NBAS: variants seen among roughly 807,000 people sequenced by gnomAD.
The protein encoded by NBAS is NAG/BC035112 fusion.
Under a neutral mutation model 302.5 loss-of-function variants are expected in NBAS, and 219 were observed. That is an observed-to-expected ratio of 0.72 (90% CI 0.65 to 0.81). The LOEUF (loss-of-function observed/expected upper bound fraction) is 0.81. NBAS is among the 30% of genes least tolerant of loss of function. The pLI, the probability that NBAS is intolerant of heterozygous loss-of-function variation, is 0.00. For missense variants in NBAS, 2,932 were observed against 2,841.6 expected (o/e 1.03, Z -0.72); for synonymous variants, 1,118 against 1,021.6 (o/e 1.09, Z -1.80).
chr2:15,395,024 A>G (rs1259008559), intron 27 of NBAS, among the ~76,000 whole-genome samples: 3 of 152,088 alleles, frequency 2.0e-5, no homozygotes, highest in Non-Finnish European at 4.4e-5. Flanking sequence ...GTCGCCTGGC[A>G]TTATGTATAC....
In NBAS at chr2:15,269,019, G is replaced by C. The variant is rs557573676; in HGVS notation, c.5724+6465C>G. 3.3e-5 allele frequency among the ~76,000 whole-genome samples: 5 copies of C among 152,278 alleles called. No individual in the cohort carries two copies. In the East Asian group the frequency reaches 9.7e-4, roughly 29 times the overall value. On this transcript the variant is annotated intron_variant, in intron 44 of 51. Coordinates refer to ENST00000281513, the MANE Select transcript of NBAS (RefSeq NM_015909.4). The stretch of plus-strand genomic sequence containing the variant: ...GGGTTTAAGTTTCAAAAGCTTCTAA[G>C]ATTTCAGTGGAGAGTTCTGCCCTGG...
At chr2:15,499,314 G>A (rs1033764649) in intron 11 of NBAS, among the ~76,000 whole-genome samples, 3 of 152,172 alleles carry the variant, frequency 2.0e-5, no homozygotes, top group African/African-American at 7.2e-5. Flanking sequence ...GCACACATAT[G>A]TTCACTGCAG....
the NBAS span, among the ~76,000 whole-genome samples, chr2:14,905,779 AT>A: frequency 6.6e-6 from 1 of 152,302 alleles, no homozygotes; most frequent in African/African-American, 2.4e-5. Flanking sequence ...TGGTTGCTGA[AT>A]GGGTGGGTTG....
At chr2:15,303,367 G>C (rs187524154) in intron 40 of NBAS, among the ~76,000 whole-genome samples, 7 of 152,252 alleles carry the variant, frequency 4.6e-5, no homozygotes, top group Admixed American at 6.5e-5. Flanking sequence ...ATGTCCTTTA[G>C]AGTAGGTACT....
At chr2:15,371,765 A>G (rs1331628501) in intron 31 of NBAS, among the ~76,000 whole-genome samples, 1 of 152,162 alleles carries the variant, frequency 6.6e-6, no homozygotes, top group Non-Finnish European at 1.5e-5. Flanking sequence ...TTATTAAATG[A>G]AAGCAAAGGG....
At chr2:15,523,397 A>G (rs1346801577) in intron 9 of NBAS, among the ~76,000 whole-genome samples, 2 of 152,194 alleles carry the variant, frequency 1.3e-5, no homozygotes, top group Non-Finnish European at 2.9e-5. Context: ...GTCATTCTCT[A>G]AACAATACAG....
At chr2:14,860,226 T>C in the NBAS span, among the ~76,000 whole-genome samples, 1 of 152,146 alleles carries the variant, frequency 6.6e-6, no homozygotes, top group Admixed American at 6.6e-5. Context: ...TGGCACATTG[T>C]TGACGGGAAT....
At chr2:15,180,909 T>A (rs1382125470) in intron 50 of NBAS, among the ~76,000 whole-genome samples, 1 of 152,194 alleles carries the variant, frequency 6.6e-6, no homozygotes, top group African/African-American at 2.4e-5. Flanking sequence ...GCTCTTTAAG[T>A]CTCAGTTTAA....
At chr2:14,876,051 TTTGCATCCTG>T in the NBAS span, among the ~76,000 whole-genome samples, 1 of 152,200 alleles carries the variant, frequency 6.6e-6, no homozygotes, top group Non-Finnish European at 1.5e-5. Context: ...GACAACCACT[TTTGCATCCTG>T]TAGGCCTTTA....
chr2:15,417,632 A>T lies in NBAS; in HGVS notation c.2658T>A (p.Val886=). 6.2e-7 allele frequency: 1 copy of T among 1,614,016 alleles called. No homozygotes were observed. The highest frequency in any genetic ancestry group is 2.2e-5 in the East Asian group (1 of 44,828). Residue 886 remains valine, a synonymous_variant, in exon 24 of 52, where the codon GTT becomes GTA. Transcript: ENST00000281513. ...PGLLVLCDNL[V]TLETLVYEAR... Reference sequence around the variant, plus strand: ...CTTCATAAACCAATGTTTCCAGAGTAACCAAATTGTCACAGAGAACCAGCA... The same window carrying T: ...CTTCATAAACCAATGTTTCCAGAGTTACCAAATTGTCACAGAGAACCAGCA...
the NBAS span, among the ~76,000 whole-genome samples, chr2:15,033,985 G>GAAT: frequency 1.1e-3 from 10 of 8,748 alleles, no homozygotes; most frequent in East Asian, 0.048. Flanking sequence ...AGAGGAAGAG[G>GAAT]AAGAAGAAGA....
chr2:14,861,346 C>A, the NBAS span, among the ~76,000 whole-genome samples: 19 of 152,158 alleles, frequency 1.2e-4, no homozygotes, highest in Admixed American at 1.2e-3. Flanking sequence ...GTAGTGCATT[C>A]TCGAAGGAGC....
intron 11 of NBAS, among the ~76,000 whole-genome samples, chr2:15,495,532 G>GT (rs1436396577): frequency 6.6e-6 from 1 of 152,130 alleles, no homozygotes. Context: ...AAAACACATA[G>GT]TTTTTTTTAA....
chr2:14,884,740 A>C, the NBAS span, among the ~76,000 whole-genome samples: 3 of 152,188 alleles, frequency 2.0e-5, no homozygotes, highest in Admixed American at 2.0e-4. Flanking sequence ...AAACTCAAAT[A>C]CTAACAAGTG....
chr2:15,066,427 T>C, the NBAS span, among the ~76,000 whole-genome samples: 1 of 152,100 alleles, frequency 6.6e-6, no homozygotes, highest in Non-Finnish European at 1.5e-5. Context: ...AGGCAACCTA[T>C]GAAATGGGAG....
chr2:15,556,588 AC>A (rs1426445968), intron 3 of NBAS, among the ~76,000 whole-genome samples, 194 bp downstream of exon 3: 1 of 152,202 alleles, frequency 6.6e-6, no homozygotes, highest in Non-Finnish European at 1.5e-5. Context: ...AACTAAGGGA[AC>A]AAAAACTACC....
chr2:15,467,414 T>G lies in NBAS; in HGVS notation c.2019-7A>C, dbSNP rs756836143. 3.1e-6 allele frequency: 5 copies of G among 1,605,410 alleles called. No homozygotes were observed. Among genetic ancestry groups the G allele is most frequent in the Non-Finnish European group, 3.4e-6 (4 of 1,172,280 alleles). Reference sequence around the variant, plus strand: ...CTTTTGTTCCAGTGTCAACCTGTTTTGAATAACTATGTTAGGCCACTTATA... The same window carrying G: ...CTTTTGTTCCAGTGTCAACCTGTTTGGAATAACTATGTTAGGCCACTTATA... On this transcript the variant is annotated splice_region_variant and splice_polypyrimidine_tract_variant and intron_variant, in intron 18 of 51. Coordinates refer to ENST00000281513, the MANE Select transcript of NBAS (RefSeq NM_015909.4).
chr2:15,446,421 G>A (rs1296649413), intron 21 of NBAS, among the ~76,000 whole-genome samples: 3 of 152,086 alleles, frequency 2.0e-5, no homozygotes, highest in African/African-American at 7.2e-5. Flanking sequence ...TACTAAACAA[G>A]TACAACTGTT....
At chr2:15,082,006 A>C in the NBAS span, among the ~76,000 whole-genome samples, 51 of 152,352 alleles carry the variant, frequency 3.3e-4, no homozygotes, top group African/African-American at 1.2e-3. Context: ...GAATAATGAT[A>C]TCTATCTACC....
Sources: allele counts gnomAD v4.1 joint callset (sites outside exome capture counted in the v4.1 genomes callset), GRCh38; gene constraint gnomAD v4.1.1; transcripts MANE v1.5; gene names NCBI Gene and HGNC (gene_info 2026-07-23, HGNC 2026-07-21).